ZNF487: variants seen among roughly 807,000 people sequenced by gnomAD.
The protein encoded by ZNF487 is KRAB domain only 1.
Under a neutral mutation model 3.0 loss-of-function variants are expected in ZNF487, and 4 were observed. The ratio of observed to expected loss-of-function variants is 1.35; its 90% CI spans 0.66 to 3.08. The LOEUF is 3.08. Ranked by LOEUF, ZNF487 falls within the 30% of genes most tolerant of loss-of-function variation. The probability of loss-of-function intolerance (pLI) is 0.01; values close to 1 mark genes in which losing one functional copy is unlikely to be tolerated. For synonymous variants in ZNF487, 55 were observed against 34.6 expected, an observed-to-expected ratio of 1.59 and a Z score of -2.06; for missense variants, 146 against 98.7, an observed-to-expected ratio of 1.48 and a Z score of -2.03.
the ZNF487 span, among the ~76,000 whole-genome samples, chr10:43,517,255 G>A: frequency 1.3e-5 from 2 of 152,238 alleles, no homozygotes; most frequent in African/African-American, 2.4e-5. Context: ...TCAAGAAACA[G>A]CTATTGACTT....
At chr10:43,477,312 AG>A (rs1588742746) in intron 3 of ZNF487, among the ~76,000 whole-genome samples, 1 of 151,122 alleles carries the variant, frequency 6.6e-6, no homozygotes, top group African/African-American at 2.4e-5. Context: ...CTCATACCTC[AG>A]CCTCCCTAGT....
At chr10:43,499,590 A>C in the ZNF487 span, among the ~76,000 whole-genome samples, 1 of 151,972 alleles carries the variant, frequency 6.6e-6, no homozygotes, top group Non-Finnish European at 1.5e-5. Context: ...ATTTCTATAA[A>C]AAATACAAAA....
the ZNF487 span, among the ~76,000 whole-genome samples, chr10:43,518,603 T>G: frequency 6.6e-6 from 1 of 152,164 alleles, no homozygotes; most frequent in African/African-American, 2.4e-5. Context: ...GAAGTGCTTA[T>G]CCACCTCTTG....
At chr10:43,443,546 G>A (rs1477365103) in intron 1 of ZNF487, among the ~76,000 whole-genome samples, 1 of 143,744 alleles carries the variant, frequency 7.0e-6, no homozygotes, top group African/African-American at 2.6e-5. Context: ...GCTAATTTTT[G>A]TATTTTTAGT....
the ZNF487 span, among the ~76,000 whole-genome samples, chr10:43,501,159 GTATT>G: frequency 6.6e-6 from 1 of 152,110 alleles, no homozygotes; most frequent in Non-Finnish European, 1.5e-5. Flanking sequence ...ACAATGGTAA[GTATT>G]TATATATGTA....
chr10:43,444,012 C>A (rs1564411558), intron 1 of ZNF487, among the ~76,000 whole-genome samples: 1 of 151,952 alleles, frequency 6.6e-6, no homozygotes. Flanking sequence ...ACCACCACAC[C>A]TGGCTAATTT....
chr10:43,502,190 T>C, the ZNF487 span, among the ~76,000 whole-genome samples: 29 of 152,356 alleles, frequency 1.9e-4, no homozygotes, highest in Admixed American at 9.8e-4. Context: ...CACCATGGAA[T>C]ACTATGCATC....
chr10:43,462,185 C>T lies in ZNF487; in HGVS notation c.-93-13536C>T, dbSNP rs1452183797. Among the ~76,000 whole-genome samples, 4 of 152,058 alleles carry T rather than the reference C, an allele frequency of 2.6e-5. No individual in the cohort carries two copies. In the East Asian group the frequency reaches 7.7e-4, roughly 29 times the overall value. ...TTTGTTTTTGAGATGGAGTCTTGCT[C>T]TGTTGCCCAGGCTGGAGTGCAGTGG... On this transcript the variant is annotated intron_variant, in intron 1 of 3. Transcript: ENST00000437590.
chr10:43,458,031 AC>A (rs1179286738), intron 1 of ZNF487: 5 of 138,510 alleles, frequency 3.6e-5, no homozygotes, highest in Non-Finnish European at 6.1e-5. Flanking sequence ...CAATAAAAAA[AC>A]AACAACAACA....
chr10:43,497,808 A>G, the ZNF487 span, among the ~76,000 whole-genome samples: 1 of 151,494 alleles, frequency 6.6e-6, no homozygotes, highest in African/African-American at 2.4e-5. Flanking sequence ...TCTACTAAAA[A>G]TACAAAAAAT....
chr10:43,462,232 C>T (rs1313077310), intron 1 of ZNF487, among the ~76,000 whole-genome samples: 30 of 152,210 alleles, frequency 2.0e-4, no homozygotes. Flanking sequence ...ATTACTGCAA[C>T]CTCTGCCTCC....
At chr10:43,441,682 G>A (rs1329719822) in intron 1 of ZNF487, among the ~76,000 whole-genome samples, 1 of 152,086 alleles carries the variant, frequency 6.6e-6, no homozygotes, top group African/African-American at 2.4e-5. Flanking sequence ...TGCCTCCTGG[G>A]TTCAAGTGAT....
chr10:43,483,491 G>T (rs1226277195), downstream of ZNF487, among the ~76,000 whole-genome samples: 1 of 150,070 alleles, frequency 6.7e-6, no homozygotes, highest in African/African-American at 2.5e-5. Flanking sequence ...CACCCGCCTT[G>T]GCCTGCCAAA....
intron 1 of ZNF487, among the ~76,000 whole-genome samples, chr10:43,437,609 A>G (rs868522435): frequency 6.6e-6 from 1 of 152,140 alleles, no homozygotes; most frequent in African/African-American, 2.4e-5. Context: ...TTGTGGTGAG[A>G]AAAGAGGCTC....
the ZNF487 span, among the ~76,000 whole-genome samples, chr10:43,496,508 G>A: frequency 6.6e-6 from 1 of 152,180 alleles, no homozygotes; most frequent in African/African-American, 2.4e-5. Flanking sequence ...TAGAGGAAGA[G>A]TCCTCAAGCC....
intron 1 of ZNF487, among the ~76,000 whole-genome samples, chr10:43,456,263 G>A (rs1001335522): frequency 6.6e-6 from 1 of 152,186 alleles, no homozygotes; most frequent in Non-Finnish European, 1.5e-5. Context: ...GGCCAGATCC[G>A]AGTTTCTAAA....
At chr10:43,516,104 T>C in the ZNF487 span, among the ~76,000 whole-genome samples, 1 of 152,136 alleles carries the variant, frequency 6.6e-6, no homozygotes, top group Non-Finnish European at 1.5e-5. Flanking sequence ...CTTTCACCAC[T>C]TTGTCCACTG....
At chr10:43,481,280 A>G (rs1841345023) in intron 3 of ZNF487, 149 bp from the exon 4 acceptor site, 6 of 566,484 alleles carry the variant, frequency 1.1e-5, no homozygotes, top group Admixed American at 3.5e-5. Context: ...GCAGTGAGCC[A>G]TGATCACACC....
the ZNF487 span, among the ~76,000 whole-genome samples, chr10:43,519,765 T>A: frequency 6.6e-6 from 1 of 152,160 alleles, no homozygotes; most frequent in African/African-American, 2.4e-5. Context: ...GTGCCTGGCC[T>A]AAAATGTTAG....
Sources: gnomAD v4.1 joint callset for allele counts (sites outside exome capture counted in the v4.1 genomes callset) on GRCh38, gnomAD v4.1.1 for gene constraint, MANE v1.5 for transcripts, NCBI Gene and HGNC (gene_info 2026-07-23, HGNC 2026-07-21) for gene names.